DERA: variants seen among roughly 807,000 people sequenced by gnomAD.
The protein encoded by DERA is deoxyribose-phosphate aldolase.
DERA carries 15 observed loss-of-function variants against 41.1 expected under a neutral mutation model. That is an observed-to-expected ratio of 0.37 (90% CI 0.24 to 0.56). DERA has a LOEUF of 0.56. Ranked by LOEUF, DERA falls within the 20% of genes least tolerant of loss-of-function variation. The probability of loss-of-function intolerance (pLI) is 0.81; values close to 1 mark genes in which losing one functional copy is unlikely to be tolerated. For synonymous variants in DERA, 139 were observed against 137.4 expected (o/e 1.01, Z -0.08); for missense variants, 396 against 403.4 (o/e 0.98, Z 0.16).
At chr12:15,933,179 A>G (rs904924205) in intron 1 of DERA, among the ~76,000 whole-genome samples, 6 of 152,200 alleles carry the variant, frequency 3.9e-5, no homozygotes, top group African/African-American at 1.4e-4. Context: ...CTTTGGATAT[A>G]TACCCGGTAG....
At chr12:15,962,749 C>T (rs186261247) in intron 4 of DERA, 64 bp from the exon 5 acceptor site, 16 of 1,426,774 alleles carry the variant, frequency 1.1e-5, no homozygotes, top group African/African-American at 2.9e-5. Context: ...TCCCCTCCCC[C>T]CCTTGCTTAC....
rs182549795 is a variant in DERA, at chr12:15,950,562, C to T, written c.32-6374C>T. Among the ~76,000 whole-genome samples the T allele has an allele frequency of 5.4e-4, 83 of 152,310 alleles. 2 individuals are homozygous for T. Among genetic ancestry groups the T allele is most frequent in the Non-Finnish European group, 8.8e-4 (60 of 68,028 alleles). ...TCTGGGAATGCAGCCCAGTAAGTTTCAGCCTCATTTTACCCAGCCCCTGTG... is the reference window on the plus strand; with the variant it reads ...TCTGGGAATGCAGCCCAGTAAGTTTTAGCCTCATTTTACCCAGCCCCTGTG... On this transcript the variant is annotated intron_variant, in intron 1 of 8. Coordinates refer to ENST00000428559, the MANE Select transcript of DERA (RefSeq NM_015954.4).
In DERA at chr12:16,001,864, A is replaced by G. The variant is rs776853272; in HGVS notation, c.637+19428A>G. On this transcript the variant is annotated intron_variant, in intron 6 of 8. Coordinates refer to ENST00000428559, the MANE Select transcript of DERA (RefSeq NM_015954.4). This position sits in a 1 kb window ranked among gnomAD's most constrained non-coding sequence, Gnocchi z 4.1. ...TTGTTGAGAATTCAGGTGCTTTGGG[A>G]GCTTAGAGAGGAAACAAACCCCGGT... Among the ~76,000 whole-genome samples, 1 of 152,136 alleles carries G rather than the reference A, an allele frequency of 6.6e-6. No homozygotes were observed. Among genetic ancestry groups the G allele is most frequent in the Non-Finnish European group, 1.5e-5 (1 of 68,036 alleles).
rs1314916162 is a variant in DERA at position 15,912,065 on chromosome 12, AGG to A, written c.31+655_31+656del. On this transcript the variant is annotated intron_variant, in intron 1 of 8. Coordinates refer to ENST00000428559, the MANE Select transcript of DERA (RefSeq NM_015954.4). ...GATCATTCTTGGGTGTTTCTCGCAGAGGGGGATTTGGCAGGGTCATAGGACAG... is the reference window on the plus strand; with the variant it reads ...GATCATTCTTGGGTGTTTCTCGCAGAGGGATTTGGCAGGGTCATAGGACAG... 7.6e-5 allele frequency among the ~76,000 whole-genome samples: 11 copies of A among 144,526 alleles called. No homozygotes were observed. In the Admixed American group the frequency reaches 7.8e-4, roughly 10 times the overall value. The allele number at this position is 144,526 out of a possible 152,430, so 94.8% of individuals were successfully genotyped here. A position where few individuals can be genotyped will look rare whatever the true frequency, so the allele number is the denominator to read the frequency against.
Position 15,954,482 on chromosome 12 carries a change from G to A in DERA, c.32-2454G>A, listed in dbSNP as rs575449232. 3.4e-4 allele frequency among the ~76,000 whole-genome samples: 52 copies of A among 152,138 alleles called. No homozygotes were observed. Among genetic ancestry groups the A allele is most frequent in the Non-Finnish European group, 7.5e-4 (51 of 68,016 alleles). The stretch of plus-strand genomic sequence containing the variant: ...TCCCAGAGAAGGTGACATTTGAATC[G>A]ACTCTTAAAGGATGAGCAGCAGTTC... On this transcript the variant is annotated intron_variant, in intron 1 of 8. Coordinates refer to ENST00000428559, the MANE Select transcript of DERA (RefSeq NM_015954.4). The surrounding 1 kb of genome is among the most constrained non-coding windows in gnomAD (Gnocchi z 4.0).
At chr12:15,997,241 A>G (rs995479392) in intron 6 of DERA, among the ~76,000 whole-genome samples, 2 of 152,228 alleles carry the variant, frequency 1.3e-5, no homozygotes, top group African/African-American at 2.4e-5. Flanking sequence ...GTACCATAAT[A>G]TTATAAAATG....
At chr12:15,969,239 T>C (rs769282140) in intron 5 of DERA, among the ~76,000 whole-genome samples, 10 of 152,238 alleles carry the variant, frequency 6.6e-5, no homozygotes, top group Non-Finnish European at 1.2e-4. Flanking sequence ...ATAGTTTCCA[T>C]GCTCTGTAAA....
intron 1 of DERA, among the ~76,000 whole-genome samples, chr12:15,916,784 T>A (rs1327861337): frequency 6.6e-6 from 1 of 152,058 alleles, no homozygotes; most frequent in African/African-American, 2.4e-5. Flanking sequence ...TTTTAAAAAA[T>A]GTTTAAAATA....
At chr12:15,949,539 C>T (rs969605870) in intron 1 of DERA, among the ~76,000 whole-genome samples, 8 of 152,304 alleles carry the variant, frequency 5.3e-5, no homozygotes, top group Admixed American at 2.6e-4. Context: ...TTTGCTAAGA[C>T]GATTCGAAAA....
chr12:16,030,929 A>G (rs914628044), intron 6 of DERA, among the ~76,000 whole-genome samples: 1 of 152,224 alleles, frequency 6.6e-6, no homozygotes, highest in Admixed American at 6.5e-5. Context: ...AAAGAAATGA[A>G]GGCTTCCAGT....
At position 15,982,392 on chromosome 12, in the gene DERA, C is replaced by A. The variant is rs1335672275; in HGVS notation, c.593C>A (p.Thr198Asn). 2 of 1,613,846 alleles carry A rather than the reference C, an allele frequency of 1.2e-6. No homozygotes were observed. Among genetic ancestry groups the A allele is most frequent in the South Asian group, 1.1e-5 (1 of 91,058 alleles). ...ATATTAGCGACAGGAGAACTTGGAACTCTTACTAATGTCTATAAAGCCAGT... is the reference window on the plus strand; with the variant it reads ...ATATTAGCGACAGGAGAACTTGGAAATCTTACTAATGTCTATAAAGCCAGT... The part of the protein sequence containing the change: ...KTILATGELG[T>N]LTNVYKASMI... Residue 198 changes from threonine (T) to asparagine (N), a missense_variant, in exon 6 of 9, where the codon ACT (threonine) becomes AAT (asparagine). Transcript: ENST00000428559. The surrounding 1 kb of genome is among the most constrained non-coding windows in gnomAD (Gnocchi z 4.0).
chr12:15,954,088 G>A lies in DERA; in HGVS notation c.32-2848G>A, dbSNP rs1948519414. On this transcript the variant is annotated intron_variant, in intron 1 of 8. Transcript: ENST00000428559. The surrounding 1 kb of genome is among the most constrained non-coding windows in gnomAD (Gnocchi z 4.0). ...TCTGAGAAGTGCAAGAGCAGACCTT[G>A]TGAGTTCTAACCTTTGGTGTACTCA... Among the ~76,000 whole-genome samples, 1 of 152,216 alleles carries A rather than the reference G, an allele frequency of 6.6e-6. No homozygotes were observed. Among genetic ancestry groups the A allele is most frequent in the African/African-American group, 2.4e-5 (1 of 41,462 alleles).
At chr12:15,969,009 T>A (rs2136153719) in intron 5 of DERA, among the ~76,000 whole-genome samples, 1 of 152,380 alleles carries the variant, frequency 6.6e-6, no homozygotes, top group South Asian at 2.1e-4. Flanking sequence ...TAATGATTTT[T>A]ACAACCCTTT....
chr12:15,933,873 C>A (rs942325580), intron 1 of DERA, among the ~76,000 whole-genome samples: 3 of 152,096 alleles, frequency 2.0e-5, no homozygotes, highest in African/African-American at 7.2e-5. Flanking sequence ...CTGCTTTGTT[C>A]TATACTGTTA....
Position 15,936,791 on chromosome 12 carries a change from A to C in DERA, c.32-20145A>C, listed in dbSNP as rs1948367191. On this transcript the variant is annotated intron_variant, in intron 1 of 8. Coordinates refer to ENST00000428559, the MANE Select transcript of DERA (RefSeq NM_015954.4). This position sits in a 1 kb window ranked among gnomAD's most constrained non-coding sequence, Gnocchi z 4.6. ...TTGTGTAGATTGTCTCACCACCCGGATTTGTCTGATTATTTTCTAGTGATG... is the reference window on the plus strand; with the variant it reads ...TTGTGTAGATTGTCTCACCACCCGGCTTTGTCTGATTATTTTCTAGTGATG... 6.6e-6 allele frequency among the ~76,000 whole-genome samples: 1 copy of C among 151,300 alleles called. No individual in the cohort carries two copies. Among genetic ancestry groups the C allele is most frequent in the African/African-American group, 2.4e-5 (1 of 41,026 alleles).
At chr12:16,002,682 T>A (rs560953057) in intron 6 of DERA, among the ~76,000 whole-genome samples, 23 of 152,174 alleles carry the variant, frequency 1.5e-4, no homozygotes, top group African/African-American at 5.5e-4. Flanking sequence ...ATGCTGTACA[T>A]CCTCTTCTCT....
At chr12:15,977,819 T>C (rs1948708410) in intron 5 of DERA, among the ~76,000 whole-genome samples, 1 of 152,240 alleles carries the variant, frequency 6.6e-6, no homozygotes. Flanking sequence ...CGATGGATGG[T>C]TAAATAGCGT....
At chr12:15,952,779 A>G (rs1457456707) in intron 1 of DERA, among the ~76,000 whole-genome samples, 1 of 152,240 alleles carries the variant, frequency 6.6e-6, no homozygotes, top group Non-Finnish European at 1.5e-5. Context: ...TGGACAGCGC[A>G]TGTCTACACT....
At chr12:15,974,476 G>C (rs1309245092) in intron 5 of DERA, among the ~76,000 whole-genome samples, 1 of 152,076 alleles carries the variant, frequency 6.6e-6, no homozygotes, top group East Asian at 1.9e-4. Context: ...TTAGATTCAG[G>C]TTGCACATTT....
Sources: allele counts gnomAD v4.1 joint callset (sites outside exome capture counted in the v4.1 genomes callset), GRCh38; gene constraint gnomAD v4.1.1; non-coding constraint Gnocchi (gnomAD v3.1); transcripts MANE v1.5; gene names NCBI Gene and HGNC (gene_info 2026-07-23, HGNC 2026-07-21).